SMURF1: variants seen among roughly 807,000 people sequenced by gnomAD.
SMURF1 encodes E3 ubiquitin-protein ligase SMURF1.
Under a neutral mutation model 98.0 loss-of-function variants are expected in SMURF1, and 44 were observed. That is an observed-to-expected ratio of 0.45 (90% CI 0.35 to 0.58). The LOEUF (loss-of-function observed/expected upper bound fraction) is 0.58, where lower values mean the gene tolerates loss of function less well. Ranked by LOEUF, SMURF1 falls within the 20% of genes least tolerant of loss-of-function variation. The pLI is 0.00. For synonymous variants in SMURF1, 396 were observed against 374.9 expected (o/e 1.06, Z -0.65); for missense variants, 687 against 938.4 (o/e 0.73, Z 3.50).
chr7:99,106,343 C>T (rs549749217), intron 1 of SMURF1, among the ~76,000 whole-genome samples: 1 of 152,264 alleles, frequency 6.6e-6, no homozygotes, highest in East Asian at 1.9e-4. Flanking sequence ...CTATAAGCCC[C>T]CCTGTAAACC....
At chr7:99,142,769 A>T (rs904085978) in intron 1 of SMURF1, among the ~76,000 whole-genome samples, 1 of 148,618 alleles carries the variant, frequency 6.7e-6, no homozygotes, top group Non-Finnish European at 1.5e-5. Context: ...AAAGACCAGG[A>T]GGATGAGGGG....
intron 1 of SMURF1, among the ~76,000 whole-genome samples, chr7:99,112,449 C>T (rs1797345878): frequency 6.6e-6 from 1 of 152,090 alleles, no homozygotes; most frequent in Non-Finnish European, 1.5e-5. Context: ...ATACAGACTT[C>T]ACAAAATTAG....
chr7:99,032,576 T>C (rs1301370008), intron 17 of SMURF1, among the ~76,000 whole-genome samples: 4 of 152,112 alleles, frequency 2.6e-5, no homozygotes, highest in Admixed American at 2.0e-4. Context: ...GGCTGAGGCA[T>C]GAGAATTGCT....
At chr7:99,130,216 G>T (rs1270627236) in intron 1 of SMURF1, among the ~76,000 whole-genome samples, 1 of 152,174 alleles carries the variant, frequency 6.6e-6, no homozygotes, top group African/African-American at 2.4e-5. Context: ...ACTTTGGGAG[G>T]CTGAGGCGGG....
chr7:99,079,230 C>T (rs1363834926), intron 1 of SMURF1, among the ~76,000 whole-genome samples: 1 of 152,232 alleles, frequency 6.6e-6, no homozygotes, highest in African/African-American at 2.4e-5. Flanking sequence ...TGCCCACCCC[C>T]CAGTGGAGGT....
At chr7:99,062,001 A>C (rs1343097279) in intron 1 of SMURF1, among the ~76,000 whole-genome samples, 164 bp from the exon 2 acceptor site, 2 of 152,186 alleles carry the variant, frequency 1.3e-5, no homozygotes, top group Non-Finnish European at 2.9e-5. Flanking sequence ...AACCATCTAA[A>C]AAGTGTTTTC....
Position 99,035,648 on chromosome 7 carries a change from A to G in SMURF1, c.1878T>C (p.Cys626=), listed in dbSNP as rs753373943. ...DWKSNTRLKH[C]VADSNIVRWF... is the part of the protein sequence containing the mutation. Reference sequence around the variant, plus strand: ...ACCGCACGATGTTGCTGTCGGCCACACAGTGCTTCAGCCGCGTGTTCGACT... The same window carrying G: ...ACCGCACGATGTTGCTGTCGGCCACGCAGTGCTTCAGCCGCGTGTTCGACT... The change falls in exon 16 of 18, where the codon TGT becomes TGC. Residue 626 remains cysteine (C), a synonymous_variant. Coordinates refer to ENST00000361368, the MANE Select transcript of SMURF1 (RefSeq NM_181349.3). The G allele has an allele frequency of 2.5e-6, 4 of 1,614,186 alleles. No homozygotes were observed. The South Asian group carries it at 3.3e-5, about 13-fold the overall frequency.
At chr7:99,064,340 T>C (rs1172920535) in intron 1 of SMURF1, among the ~76,000 whole-genome samples, 1 of 152,226 alleles carries the variant, frequency 6.6e-6, no homozygotes, top group Non-Finnish European at 1.5e-5. Flanking sequence ...TTGGAAGAAT[T>C]TGTATTAATT....
intron 14 of SMURF1, among the ~76,000 whole-genome samples, chr7:99,037,499 A>G (rs1020235900): frequency 6.6e-6 from 1 of 152,202 alleles, no homozygotes; most frequent in Non-Finnish European, 1.5e-5. Flanking sequence ...TCGGTCTCCC[A>G]AAGTGTTGGG....
At chr7:99,076,923 G>A (rs913346291) in intron 1 of SMURF1, among the ~76,000 whole-genome samples, 4 of 152,000 alleles carry the variant, frequency 2.6e-5, no homozygotes, top group Non-Finnish European at 4.4e-5. Flanking sequence ...GGGGTAACAT[G>A]GGAACTGTCT....
At chr7:99,041,168 GAGGC>G (rs1180319017) in intron 12 of SMURF1, among the ~76,000 whole-genome samples, 2 of 152,182 alleles carry the variant, frequency 1.3e-5, no homozygotes, top group Non-Finnish European at 2.9e-5. Flanking sequence ...TTGGGAGGCT[GAGGC>G]AGGCAGATCA....
chr7:99,060,294 A>G (rs1289362947), intron 3 of SMURF1, among the ~76,000 whole-genome samples: 2 of 149,670 alleles, frequency 1.3e-5, no homozygotes, highest in Non-Finnish European at 3.0e-5. Context: ...TAGGAGAATC[A>G]CTTGTACCCG....
In SMURF1 at chr7:99,057,207, A is replaced by G. The variant is rs747155653; in HGVS notation, c.401T>C (p.Val134Ala). 21 of 1,613,812 alleles carry G rather than the reference A, an allele frequency of 1.3e-5. No homozygotes were observed. Among genetic ancestry groups the G allele is most frequent in the Non-Finnish European group, 1.8e-5 (21 of 1,179,866 alleles). The change falls in exon 5 of 18, where the codon GTG becomes GCG. Residue 134 changes from valine (V) to alanine (A), a missense_variant and splice_region_variant. Val to Ala is a moderately conservative substitution (Grantham distance 64, BLOSUM62 0). Around this residue, in one of 2 missense-constraint regions of SMURF1, gnomAD observed 415 missense variants for 508.4 expected, o/e 0.82. Transcript: ENST00000361368. ...TACACAGACAAGAAAGTTCTTACCC[A>G]CTATCTGGCCACGAACTGCATCAGT... ...SDTDAVRGQI[V>A]VSLQTRDRIG...
rs1184589706 is a variant in SMURF1 at position 99,029,301 on chromosome 7, G to T, written c.*1283C>A. 7 of 152,740 alleles carry T rather than the reference G, an allele frequency of 4.6e-5. No individual in the cohort carries two copies. In the East Asian group the frequency reaches 1.3e-3, roughly 29 times the overall value. The allele number at this position is 152,740 out of a possible 1,614,324, so 9.5% of individuals were successfully genotyped here. ...GCCTGCTGTTTTCTGCCCAAGTTCA[G>T]CTATTGGAAATCAAGCCACTTTAAG... On this transcript the variant is annotated 3_prime_UTR_variant, in exon 18 of 18. Coordinates refer to ENST00000361368, the MANE Select transcript of SMURF1 (RefSeq NM_181349.3).
rs534974478 is a variant in SMURF1 at position 99,061,757 on chromosome 7, T to C, written c.94+42A>G. 1.9e-4 allele frequency: 286 copies of C among 1,477,108 alleles called. 2 individuals are homozygous for C. The South Asian group carries it at 3.3e-3, about 17-fold the overall frequency. The allele number at this position is 1,477,108 out of a possible 1,614,324, so 91.5% of individuals were successfully genotyped here. ...TAAAGTTTAAAATTTCAGAAATACA[T>C]GCATAACATTATAAGAGGGAAAAAA... is the stretch of plus-strand genomic sequence containing the variant. On this transcript the variant is annotated intron_variant, in intron 2 of 17. Transcript: ENST00000361368.
At chr7:99,038,642 G>A (rs1795248699) in intron 13 of SMURF1, 117 bp from the exon 14 acceptor site, 1 of 1,238,474 alleles carries the variant, frequency 8.1e-7, no homozygotes, top group South Asian at 1.5e-5. Context: ...GACAGCCTCG[G>A]GCAGACACAG....
At chr7:99,075,708 C>A (rs1796439494) in intron 1 of SMURF1, among the ~76,000 whole-genome samples, 1 of 151,492 alleles carries the variant, frequency 6.6e-6, no homozygotes, top group African/African-American at 2.4e-5. Context: ...ACACACAGGT[C>A]AATTTTTGTG....
At chr7:99,134,516 C>A (rs1227937849) in intron 1 of SMURF1, among the ~76,000 whole-genome samples, 1 of 151,938 alleles carries the variant, frequency 6.6e-6, no homozygotes, top group African/African-American at 2.4e-5. Context: ...ACCCCAAAGA[C>A]CTAAGAGGGG....
rs1181128470 is a variant in SMURF1 at position 99,117,168 on chromosome 7, A to C, written c.55+26558T>G. On this transcript the variant is annotated intron_variant, in intron 1 of 17. Coordinates refer to ENST00000361368, the MANE Select transcript of SMURF1 (RefSeq NM_181349.3). ...TGGATATCCACTAGCAAAAGGATAA[A>C]TCTGGACCCCCCTATGTCACACTAT... is the stretch of plus-strand genomic sequence containing the variant. Among the ~76,000 whole-genome samples, 2 of 152,196 alleles carry C rather than the reference A, an allele frequency of 1.3e-5. 1 individual carries two copies. Among genetic ancestry groups the C allele is most frequent in the South Asian group, 4.1e-4 (2 of 4,826 alleles).
Sources: gnomAD v4.1 joint callset for allele counts (sites outside exome capture counted in the v4.1 genomes callset) on GRCh38, gnomAD v4.1.1 for gene constraint, gnomAD v4.1.1 regional missense constraint, MANE v1.5 for transcripts, NCBI Gene and HGNC (gene_info 2026-07-23, HGNC 2026-07-21) for gene names.